Variants in TPP2 observed in about 807,000 individuals in gnomAD.
TPP2 encodes the protein tripeptidyl-peptidase 2.
A neutral mutation model predicts 155.9 loss-of-function variants in TPP2; 34 were observed. That is an observed-to-expected ratio of 0.22 (90% CI 0.17 to 0.29). The LOEUF is 0.29. Among genes scored for constraint, TPP2 ranks in the 10% least tolerant of loss-of-function variants. The pLI, the probability that TPP2 is intolerant of heterozygous loss-of-function variation, is 1.00. For synonymous variants in TPP2, 510 were observed against 529.4 expected, an observed-to-expected ratio of 0.96 and a Z score of 0.50; for missense variants, 1,028 against 1,522.3, an observed-to-expected ratio of 0.68 and a Z score of 5.40.
intron 10 of TPP2, among the ~76,000 whole-genome samples, chr13:102,633,142 T>A (rs936985243): frequency 6.6e-6 from 1 of 152,214 alleles, no homozygotes. Flanking sequence ...AAGTGTGCTA[T>A]TCTGTGCCAT....
In TPP2 at chr13:102,640,641, A is replaced by ATTTTTTT. The variant is rs5806315; in HGVS notation, c.2020+287_2020+293dup. 1.9e-3 allele frequency among the ~76,000 whole-genome samples: 164 copies of ATTTTTTT among 84,232 alleles called. 11 individuals are homozygous for ATTTTTTT. The highest frequency in any genetic ancestry group is 3.1e-3 in the African/African-American group (55 of 17,936). The allele number at this position is 84,232 out of a possible 152,430, so 55.3% of individuals were successfully genotyped here. A position where few individuals can be genotyped will look rare whatever the true frequency, so the allele number is the denominator to read the frequency against. Reference sequence around the variant, plus strand: ...TAGAATAATGCCTTACCTGGTAATAATTTTTTTTTTTTTTTTTTTTTTTTT... The same window carrying ATTTTTTT: ...TAGAATAATGCCTTACCTGGTAATAATTTTTTTTTTTTTTTTTTTTTTTTTTTTTTTT... On this transcript the variant is annotated intron_variant, in intron 16 of 29. Coordinates refer to ENST00000376052, the MANE Select transcript of TPP2 (RefSeq NM_001330588.2).
chr13:102,630,010 T>A (rs1315305538), intron 9 of TPP2, 86 bp from the exon 10 acceptor site: 4 of 1,094,852 alleles, frequency 3.7e-6, no homozygotes, highest in Non-Finnish European at 5.5e-6. Context: ...TGTTGAGAGA[T>A]TAGGCAGTTT....
chr13:102,676,346 A>G lies in TPP2; in HGVS notation c.3630A>G (p.Arg1210=). 6.2e-7 allele frequency: 1 copy of G among 1,609,966 alleles called. No individual in the cohort carries two copies. Among genetic ancestry groups the G allele is most frequent in the Non-Finnish European group, 8.5e-7 (1 of 1,177,014 alleles). ...CATTAGTAAATAAAATGTATGGGAGAGGCCTTAAATTTGCAACTAAACTTG... is the reference window on the plus strand; with the variant it reads ...CATTAGTAAATAAAATGTATGGGAGGGGCCTTAAATTTGCAACTAAACTTG... The part of the protein sequence containing the change: ...KHALVNKMYG[R]GLKFATKLVE... The change falls in exon 29 of 30, where the codon AGA becomes AGG. Residue 1210 remains arginine (R), a synonymous_variant. Coordinates refer to ENST00000376052, the MANE Select transcript of TPP2 (RefSeq NM_001330588.2).
chr13:102,653,349 C>A (rs966162604), intron 24 of TPP2, among the ~76,000 whole-genome samples: 1 of 151,974 alleles, frequency 6.6e-6, no homozygotes, highest in Non-Finnish European at 1.5e-5. Flanking sequence ...CGGTATGTCA[C>A]CCTTTTTAAA....
intron 25 of TPP2, among the ~76,000 whole-genome samples, chr13:102,660,630 T>C (rs1595205111): frequency 6.6e-6 from 1 of 152,358 alleles, no homozygotes; most frequent in Admixed American, 6.5e-5. Flanking sequence ...AACAAGCTGA[T>C]TCTAAAAGTC....
At chr13:102,673,948 G>A (rs1885144940) in intron 27 of TPP2, among the ~76,000 whole-genome samples, 1 of 152,068 alleles carries the variant, frequency 6.6e-6, no homozygotes, top group Non-Finnish European at 1.5e-5. Context: ...TAAGAAAACT[G>A]AAAACTCAAA....
At chr13:102,663,894 G>A in intron 26 of TPP2, 150 bp downstream of exon 26, 1 of 648,026 alleles carries the variant, frequency 1.5e-6, no homozygotes, top group Non-Finnish European at 2.5e-6. Flanking sequence ...TTTTCATGAA[G>A]GTTATTATAA....
intron 6 of TPP2, among the ~76,000 whole-genome samples, chr13:102,623,803 G>A (rs7336551): frequency 0.31 from 46,669 of 152,062 alleles, 7,485 homozygotes; most frequent in Non-Finnish European, 0.37. Flanking sequence ...TGGGGGGATT[G>A]GTTCTGGAAT....
chr13:102,604,759 C>T (rs1415078360), intron 1 of TPP2, 34 bp from the exon 2 acceptor site: 4 of 1,598,638 alleles, frequency 2.5e-6, no homozygotes, highest in Non-Finnish European at 3.4e-6. Flanking sequence ...AACCTAAAAT[C>T]TACCATTCAT....
chr13:102,672,324 T>C (rs1488914237), intron 27 of TPP2, among the ~76,000 whole-genome samples: 1 of 152,072 alleles, frequency 6.6e-6, no homozygotes, highest in Non-Finnish European at 1.5e-5. Flanking sequence ...ACCCCCCAAG[T>C]AGAAAGCAGT....
rs188184582 is a variant in TPP2 at position 102,628,093 on chromosome 13, G to A, written c.1016+169G>A. On this transcript the variant is annotated intron_variant, in intron 8 of 29. Coordinates refer to ENST00000376052, the MANE Select transcript of TPP2 (RefSeq NM_001330588.2). The stretch of plus-strand genomic sequence containing the variant: ...ATCCTCTTGAAGTCCTGTTTGGCTC[G>A]TAGGCCGCACACCCCCGTTCCTGTG... Among the ~76,000 whole-genome samples, 10 of 152,220 alleles carry A rather than the reference G, an allele frequency of 6.6e-5. No individual in the cohort carries two copies. The East Asian group carries it at 1.4e-3, about 21-fold the overall frequency.
chr13:102,670,385 T>C (rs988489854), intron 27 of TPP2, among the ~76,000 whole-genome samples: 1 of 152,194 alleles, frequency 6.6e-6, no homozygotes, highest in Admixed American at 6.5e-5. Flanking sequence ...TAGCAACTGA[T>C]TGCATCATCT....
chr13:102,656,601 G>C (rs934477078), intron 24 of TPP2, among the ~76,000 whole-genome samples: 1 of 152,022 alleles, frequency 6.6e-6, no homozygotes, highest in African/African-American at 2.4e-5. Context: ...GGCACATCGC[G>C]GGGACTCAGT....
At position 102,644,952 on chromosome 13, in the gene TPP2, T is replaced by A. The variant is rs1883004644; in HGVS notation, c.2336T>A (p.Leu779Ter). Reference sequence around the variant, plus strand: ...AACCGCTTTGATGTTCAGTCCTCCTTGAAATACGAAGATCTGGCTCCCTGC... The same window carrying A: ...AACCGCTTTGATGTTCAGTCCTCCTAGAAATACGAAGATCTGGCTCCCTGC... ...GINRFDVQSS[L>*]KYEDLAPCIT... The change falls in exon 19 of 30, where the codon TTG becomes TAG. Residue 779 changes from leucine to a stop codon, truncating the protein, a stop_gained. Coordinates refer to ENST00000376052, the MANE Select transcript of TPP2 (RefSeq NM_001330588.2). LOFTEE classifies it high-confidence loss of function. 1 of 1,613,932 alleles carries A rather than the reference T, an allele frequency of 6.2e-7. No individual in the cohort carries two copies.
chr13:102,646,443 T>A, intron 20 of TPP2, 53 bp downstream of exon 20: 1 of 1,416,996 alleles, frequency 7.1e-7, no homozygotes, highest in South Asian at 1.3e-5. Context: ...TGTGTTTTAT[T>A]TATGATTCAT....
At chr13:102,626,869 G>A (rs1485184468) in intron 6 of TPP2, 143 bp from the exon 7 acceptor site, 2 of 685,392 alleles carry the variant, frequency 2.9e-6, no homozygotes, top group Non-Finnish European at 4.3e-6. Flanking sequence ...ACTTTCCTTT[G>A]TGACTTGAGT....
intron 5 of TPP2, among the ~76,000 whole-genome samples, chr13:102,620,137 GGAAA>G (rs1881047943): frequency 2.0e-5 from 3 of 152,264 alleles, no homozygotes; most frequent in African/African-American, 7.2e-5. Context: ...CTTTGTCTTA[GGAAA>G]AGGAATCCGG....
chr13:102,675,717 T>C (rs1300775094), intron 28 of TPP2, among the ~76,000 whole-genome samples: 2 of 152,206 alleles, frequency 1.3e-5, no homozygotes, highest in African/African-American at 4.8e-5. Flanking sequence ...TATTACCTGT[T>C]TACTGTGTTT....
chr13:102,640,140 T>C (rs1200437591), intron 15 of TPP2, 130 bp from the exon 16 acceptor site: 1 of 705,602 alleles, frequency 1.4e-6, no homozygotes, highest in Middle Eastern at 4.1e-4. Flanking sequence ...TACCTACTGT[T>C]TTGTAACCAG....
Sources: gnomAD v4.1 joint callset for allele counts (sites outside exome capture counted in the v4.1 genomes callset) on GRCh38, gnomAD v4.1.1 for gene constraint, MANE v1.5 for transcripts, NCBI Gene and HGNC (gene_info 2026-07-23, HGNC 2026-07-21) for gene names.